CWH43: variants seen among roughly 807,000 people sequenced by gnomAD.
CWH43 encodes the protein cell wall biogenesis 43 C-terminal homolog.
Under a neutral mutation model 85.7 loss-of-function variants are expected in CWH43, and 91 were observed. The ratio of observed to expected loss-of-function variants is 1.06; its 90% confidence interval spans 0.90 to 1.26. The LOEUF (loss-of-function observed/expected upper bound fraction) is 1.26, where lower values mean the gene tolerates loss of function less well. CWH43 is among the 50% of genes most tolerant of loss of function. CWH43 has a pLI of 0.00. For synonymous variants in CWH43, 323 were observed against 293.6 expected, an observed-to-expected ratio of 1.10 and a Z score of -1.02; for missense variants, 869 against 839.2, an observed-to-expected ratio of 1.04 and a Z score of -0.44.
At position 49,017,309 on chromosome 4, in the gene CWH43, A is replaced by T. The variant is rs878867048; in HGVS notation, c.1247A>T (p.Glu416Val). The change falls in exon 9 of 16, where the codon GAG becomes GTG. Residue 416 changes from glutamate (E) to valine (V), a missense_variant. Glu to Val is a moderately radical substitution (Grantham distance 121, BLOSUM62 -2). Transcript: ENST00000226432. ...LGLGLRHKAY[E>V]RKLGKVAPTK... ...TTAGGACTACGGCATAAAGCCTATG[A>T]GAGAAAACTGGGCAAAGTGGTAAGT... 6 of 1,611,206 alleles carry T rather than the reference A, an allele frequency of 3.7e-6. No individual in the cohort carries two copies. The South Asian group carries it at 6.6e-5, about 18-fold the overall frequency.
intron 15 of CWH43, among the ~76,000 whole-genome samples, chr4:49,051,455 G>A (rs948857926): frequency 6.6e-6 from 1 of 152,330 alleles, no homozygotes; most frequent in East Asian, 1.9e-4. Context: ...ACCTCCTGGG[G>A]TGGTATCTGG....
In CWH43 at chr4:48,986,315, G is replaced by C. The variant is rs1782491933; in HGVS notation, c.-115G>C. On this transcript the variant is annotated 5_prime_UTR_variant, in exon 1 of 16. Coordinates refer to ENST00000226432, the MANE Select transcript of CWH43 (RefSeq NM_025087.3). ...ACTTGGCAACGGGACGCGGGAACGA[G>C]GGGCGCGGACGCAGGCCCGGGAGGA... is the stretch of plus-strand genomic sequence containing the variant. 4 of 1,013,664 alleles carry C rather than the reference G, an allele frequency of 3.9e-6. No individual in the cohort carries two copies. Among genetic ancestry groups the C allele is most frequent in the East Asian group, 5.5e-5 (2 of 36,120 alleles). The allele number at this position is 1,013,664 out of a possible 1,614,324, so 62.8% of individuals were successfully genotyped here.
At chr4:49,003,281 T>C (rs16861612) in intron 6 of CWH43, among the ~76,000 whole-genome samples, 2,967 of 152,230 alleles carry the variant, frequency 0.019, 42 homozygotes, top group African/African-American at 0.047. Context: ...GTAGGACAGG[T>C]GGTAGCATTT....
chr4:49,059,879 C>A (rs1785089550), intron 15 of CWH43, among the ~76,000 whole-genome samples: 3 of 152,104 alleles, frequency 2.0e-5, no homozygotes, highest in Admixed American at 2.0e-4. Flanking sequence ...CCTGAGTCTG[C>A]AGGAGCCACC....
At chr4:49,046,088 A>G (rs1248320565) in intron 14 of CWH43, among the ~76,000 whole-genome samples, 2 of 151,590 alleles carry the variant, frequency 1.3e-5, no homozygotes, top group African/African-American at 4.9e-5. Context: ...TTTATTTATT[A>G]TTATTATACT....
At chr4:49,030,725 G>A in intron 10 of CWH43, 100 bp from the exon 11 acceptor site, 2 of 1,186,018 alleles carry the variant, frequency 1.7e-6, no homozygotes, top group Admixed American at 3.0e-5. Flanking sequence ...GGGTTTATCA[G>A]TAAAGAAAAA....
chr4:49,047,911 A>G (rs1784677348), intron 14 of CWH43, among the ~76,000 whole-genome samples: 1 of 152,234 alleles, frequency 6.6e-6, no homozygotes. Flanking sequence ...CCACTAACTC[A>G]GAAACTCTAA....
intron 12 of CWH43, among the ~76,000 whole-genome samples, chr4:49,036,861 T>A (rs1784277095): frequency 6.6e-6 from 1 of 152,194 alleles, no homozygotes; most frequent in South Asian, 2.1e-4. Context: ...GCTCCAGCTC[T>A]TCTTTGTATG....
rs1421158812 is a variant in CWH43, at chr4:49,032,776, C to G, written c.1658+61C>G. Reference sequence around the variant, plus strand: ...GCCAAGAAATGTTATTAACAATGTACTTTGATTTCTATGAAATCACCTTTC... The same window carrying G: ...GCCAAGAAATGTTATTAACAATGTAGTTTGATTTCTATGAAATCACCTTTC... On this transcript the variant is annotated intron_variant, in intron 12 of 15. Coordinates refer to ENST00000226432, the MANE Select transcript of CWH43 (RefSeq NM_025087.3). 16 of 1,564,094 alleles carry G rather than the reference C, an allele frequency of 1.0e-5. No individual in the cohort carries two copies. In the East Asian group the frequency reaches 1.1e-4, roughly 11 times the overall value.
At chr4:49,045,044 T>C (rs188013501) in intron 14 of CWH43, among the ~76,000 whole-genome samples, 197 bp downstream of exon 14, 1 of 152,294 alleles carries the variant, frequency 6.6e-6, no homozygotes, top group Admixed American at 6.5e-5. Context: ...TTTACAAAAG[T>C]AGAAATAGCT....
chr4:48,993,407 C>T (rs560013110), intron 4 of CWH43, among the ~76,000 whole-genome samples: 24 of 152,260 alleles, frequency 1.6e-4, no homozygotes, highest in Middle Eastern at 3.4e-3. Flanking sequence ...CCATAGCTCT[C>T]GGCTCTGCCC....
chr4:48,996,984 G>C (rs112394739), intron 5 of CWH43, among the ~76,000 whole-genome samples: 2,357 of 152,300 alleles, frequency 0.015, 60 homozygotes, highest in African/African-American at 0.053. Flanking sequence ...CATCAAATAG[G>C]TTGAGGAAAT....
At chr4:48,988,815 G>A (rs2109736939) in intron 2 of CWH43, 147 bp downstream of exon 2, 2 of 564,838 alleles carry the variant, frequency 3.5e-6, no homozygotes. Flanking sequence ...AAGAGCTTTA[G>A]TAATTGGAAG....
intron 13 of CWH43, among the ~76,000 whole-genome samples, chr4:49,039,855 A>G (rs1261609377): frequency 6.6e-6 from 1 of 151,966 alleles, no homozygotes; most frequent in African/African-American, 2.4e-5. Flanking sequence ...TTAACTCGTC[A>G]TTTAACATTA....
chr4:49,010,409 A>G (rs1783316867), intron 8 of CWH43, among the ~76,000 whole-genome samples: 1 of 151,918 alleles, frequency 6.6e-6, no homozygotes, highest in Non-Finnish European at 1.5e-5. Flanking sequence ...AATTTTGTTA[A>G]TCTTTTCAAA....
Position 49,038,153 on chromosome 4 carries a change from A to G in CWH43, c.1776A>G (p.Leu592=), listed in dbSNP as rs749107531. ...ITSAPGSRDY[L]QLTEHGNVKD... is the part of the protein sequence containing the mutation. ...CAGCACCTGGCTCCAGAGATTATCT[A>G]CAGCTCACTGAACATGGCAATGTGA... Residue 592 remains leucine (L), a synonymous_variant, in exon 13 of 16, where the codon CTA becomes CTG. Coordinates refer to ENST00000226432, the MANE Select transcript of CWH43 (RefSeq NM_025087.3). The G allele has an allele frequency of 6.2e-7, 1 of 1,606,530 alleles. No individual in the cohort carries two copies. Among genetic ancestry groups the G allele is most frequent in the Admixed American group, 1.7e-5 (1 of 59,042 alleles).
In CWH43 at chr4:49,061,843, G is replaced by A; in HGVS notation, c.2053G>A (p.Glu685Lys). 7.2e-7 allele frequency: 1 copy of A among 1,394,678 alleles called. No homozygotes were observed. Among genetic ancestry groups the A allele is most frequent in the Non-Finnish European group, 9.5e-7 (1 of 1,049,976 alleles). The allele number at this position is 1,394,678 out of a possible 1,614,324, so 86.4% of individuals were successfully genotyped here. The stretch of plus-strand genomic sequence containing the variant: ...ATCCTACAAAGAAGGACACAATTAT[G>A]AAAACAACCATCATTTTCATATGAA... ...FGSYKEGHNY[E>K]NNHHFHMNTP... The change falls in exon 16 of 16, where the codon GAA becomes AAA. Residue 685 changes from glutamate (E) to lysine (K), a missense_variant. Physicochemically the swap from Glu to Lys is moderately conservative, Grantham distance 56 (BLOSUM62 1). This residue lies in a region of CWH43 where 577 missense variants were observed against 513.1 expected (regional missense o/e 1.12). Transcript: ENST00000226432.
chr4:49,061,938 G>C lies in CWH43; in HGVS notation c.*48G>C, dbSNP rs764552294. Reference sequence around the variant, plus strand: ...TGGCTGGGAAAATCTAAGAAAAAAAGTATGTAAGATAAAAAGAAGAGATTA... The same window carrying C: ...TGGCTGGGAAAATCTAAGAAAAAAACTATGTAAGATAAAAAGAAGAGATTA... On this transcript the variant is annotated 3_prime_UTR_variant, in exon 16 of 16. Transcript: ENST00000226432. The C allele has an allele frequency of 1.4e-5, 17 of 1,252,890 alleles. No individual in the cohort carries two copies. Among genetic ancestry groups the C allele is most frequent in the Non-Finnish European group, 1.6e-5 (15 of 947,946 alleles). The allele number at this position is 1,252,890 out of a possible 1,614,324, so 77.6% of individuals were successfully genotyped here. A position where few individuals can be genotyped will look rare whatever the true frequency, so the allele number is the denominator to read the frequency against.
chr4:49,032,288 T>C (rs1169030965), intron 11 of CWH43, among the ~76,000 whole-genome samples: 2 of 152,202 alleles, frequency 1.3e-5, no homozygotes, highest in Non-Finnish European at 2.9e-5. Flanking sequence ...GCAAATACAA[T>C]GGGTTTTTTG....
Sources: gnomAD v4.1 joint callset for allele counts (sites outside exome capture counted in the v4.1 genomes callset) on GRCh38, gnomAD v4.1.1 for gene constraint, gnomAD v4.1.1 regional missense constraint, MANE v1.5 for transcripts, NCBI Gene and HGNC (gene_info 2026-07-23, HGNC 2026-07-21) for gene names.